The following NIM1K variants were observed in gnomAD, a reference collection of about 807,000 sequenced individuals.
NIM1K encodes the protein NIM1 serine/threonine protein kinase.
NIM1K carries 35 observed loss-of-function variants against 37.1 expected under a neutral mutation model. The ratio of observed to expected loss-of-function variants is 0.94; its 90% CI spans 0.72 to 1.25. The LOEUF is 1.25. NIM1K is among the 50% of genes most tolerant of loss of function. The pLI, the probability that NIM1K is intolerant of heterozygous loss-of-function variation, is 0.00. For synonymous variants in NIM1K, 234 were observed against 206.6 expected (o/e 1.13, Z -1.14); for missense variants, 564 against 548.0 (o/e 1.03, Z -0.29).
chr5:43,193,647 G>C (rs1391033069), intron 1 of NIM1K: 7 of 152,128 alleles, frequency 4.6e-5, no homozygotes, highest in Non-Finnish European at 8.8e-5. Flanking sequence ...ATTTCAAATG[G>C]AAATCTAAGG....
intron 1 of NIM1K, among the ~76,000 whole-genome samples, chr5:43,213,191 TTCTTTC>T (rs1561074741): frequency 2.6e-5 from 3 of 113,984 alleles, no homozygotes; most frequent in African/African-American, 6.3e-5. Flanking sequence ...CTTTCTTTCT[TTCTTTC>T]TTTCTTTCTT....
intron 1 of NIM1K, among the ~76,000 whole-genome samples, chr5:43,229,758 T>C (rs573123614): frequency 6.6e-6 from 1 of 151,918 alleles, no homozygotes; most frequent in African/African-American, 2.4e-5. Flanking sequence ...TGCCTCAGCC[T>C]CCTGAGTAGC....
Position 43,217,708 on chromosome 5 carries a change from A to ATT in NIM1K, c.-695+25320_-695+25321dup, listed in dbSNP as rs71608698. ...AAATGTCTATTCAGATCCTCTGTCT[A>ATT]TTTTTTTTTTTTTTTTTTTTTTTTG... On this transcript the variant is annotated intron_variant, in intron 1 of 3. Coordinates refer to ENST00000326035, the MANE Select transcript of NIM1K (RefSeq NM_153361.4). 0.012 allele frequency among the ~76,000 whole-genome samples: 1,108 copies of ATT among 93,548 alleles called. 49 individuals carry two copies. In the East Asian group the frequency reaches 0.12, roughly 10 times the overall value. 61.4% of individuals were successfully genotyped at this position (93,548 alleles called of 152,430 possible).
At chr5:43,231,139 G>A (rs1374768240) in intron 1 of NIM1K, among the ~76,000 whole-genome samples, 1 of 152,164 alleles carries the variant, frequency 6.6e-6, no homozygotes, top group East Asian at 1.9e-4. Context: ...GCGACATAGT[G>A]AGACACCATC....
chr5:43,232,917 C>T (rs1402918172), intron 1 of NIM1K: 9 of 1,157,880 alleles, frequency 7.8e-6, no homozygotes, highest in Middle Eastern at 2.4e-4. Context: ...GGTGGAAGAG[C>T]TGGTTGTAGG....
chr5:43,264,982 A>G (rs941377594), intron 2 of NIM1K, among the ~76,000 whole-genome samples: 1 of 152,176 alleles, frequency 6.6e-6, no homozygotes, highest in South Asian at 2.1e-4. Context: ...TTCTGCCGAG[A>G]GATCTGCTGT....
intron 1 of NIM1K, among the ~76,000 whole-genome samples, chr5:43,235,721 G>T (rs1240777292): frequency 6.6e-6 from 1 of 152,148 alleles, no homozygotes. Flanking sequence ...ACAGACATTT[G>T]TTTGTGCGTG....
At chr5:43,204,837 T>C (rs1752085491) in intron 1 of NIM1K, among the ~76,000 whole-genome samples, 2 of 151,354 alleles carry the variant, frequency 1.3e-5, no homozygotes, top group African/African-American at 4.9e-5. Context: ...CAAAATCAAA[T>C]ATACAAAATT....
chr5:43,247,718 A>C (rs573745530), intron 2 of NIM1K, among the ~76,000 whole-genome samples: 4 of 152,238 alleles, frequency 2.6e-5, no homozygotes, highest in Non-Finnish European at 5.9e-5. Flanking sequence ...CAACTTGCAC[A>C]TACTGCAGAC....
At position 43,267,247 on chromosome 5, in the gene NIM1K, A is replaced by G. The variant is rs545920801; in HGVS notation, c.293-9810A>G. On this transcript the variant is annotated intron_variant, in intron 2 of 3. Coordinates refer to ENST00000326035, the MANE Select transcript of NIM1K (RefSeq NM_153361.4). ...TCTATGTTTTTTAGTTTGTGTGAAT[A>G]GAGATGTTCATAGTAATCTCAACTG... Among the ~76,000 whole-genome samples, 15 of 152,312 alleles carry G rather than the reference A, an allele frequency of 9.8e-5. No individual in the cohort carries two copies. In the East Asian group the frequency reaches 2.9e-3, roughly 29 times the overall value.
chr5:43,271,682 G>A (rs972374365), intron 2 of NIM1K, among the ~76,000 whole-genome samples: 2 of 152,030 alleles, frequency 1.3e-5, no homozygotes, highest in African/African-American at 2.4e-5. Context: ...CCCAGTTCTT[G>A]TATTCATGCA....
chr5:43,212,021 A>G (rs1345498666), intron 1 of NIM1K, among the ~76,000 whole-genome samples: 3 of 152,216 alleles, frequency 2.0e-5, no homozygotes, highest in South Asian at 4.1e-4. Flanking sequence ...TCTTAGGATG[A>G]TTACCTAGAT....
chr5:43,274,967 C>G (rs1247610127), intron 2 of NIM1K, among the ~76,000 whole-genome samples: 1 of 152,144 alleles, frequency 6.6e-6, no homozygotes, highest in Non-Finnish European at 1.5e-5. Flanking sequence ...AAGTCTGGTA[C>G]AGTTTGAACC....
chr5:43,246,752 C>A (rs1026809351), intron 2 of NIM1K, among the ~76,000 whole-genome samples: 2 of 152,168 alleles, frequency 1.3e-5, no homozygotes, highest in Admixed American at 1.3e-4. Flanking sequence ...ACTAGCAGCG[C>A]CCAGCACTTT....
intron 2 of NIM1K, among the ~76,000 whole-genome samples, chr5:43,263,162 T>G (rs930509784): frequency 2.6e-5 from 4 of 152,216 alleles, no homozygotes; most frequent in Non-Finnish European, 5.9e-5. Flanking sequence ...TTTCTATTGA[T>G]TGGAATAGTT....
intron 1 of NIM1K, among the ~76,000 whole-genome samples, chr5:43,201,784 C>T (rs528779100): frequency 4.6e-5 from 7 of 151,978 alleles, no homozygotes; most frequent in African/African-American, 1.7e-4. Context: ...CATGGTGAAA[C>T]CCCGTCTGTA....
chr5:43,216,323 A>G lies in NIM1K; in HGVS notation c.-695+23912A>G, dbSNP rs79900841. Among the ~76,000 whole-genome samples, 1,030 of 151,540 alleles carry G rather than the reference A, an allele frequency of 6.8e-3. 10 individuals are homozygous for G. The highest frequency in any genetic ancestry group is 0.021 in the African/African-American group (853 of 40,850). On this transcript the variant is annotated intron_variant, in intron 1 of 3. Transcript: ENST00000326035. ...TATGAATTTTGAACTGTCATTCATGATAATTGAGGAAAGAAAAGCTGTATC... is the reference window on the plus strand; with the variant it reads ...TATGAATTTTGAACTGTCATTCATGGTAATTGAGGAAAGAAAAGCTGTATC...
chr5:43,277,981 C>A (rs1349975975), intron 3 of NIM1K, among the ~76,000 whole-genome samples: 1 of 151,088 alleles, frequency 6.6e-6, no homozygotes, highest in Admixed American at 6.6e-5. Context: ...GCCTTCCACC[C>A]TTCCTTCCTT....
rs1472531410 is a variant in NIM1K, at chr5:43,246,063, C to A, written c.288C>A (p.Thr96=). 7 of 1,608,476 alleles carry A rather than the reference C, an allele frequency of 4.4e-6. No homozygotes were observed. The highest frequency in any genetic ancestry group is 5.9e-6 in the Non-Finnish European group (7 of 1,176,850). Residue 96 remains threonine, a synonymous_variant, in exon 2 of 4, where the codon ACC becomes ACA. Transcript: ENST00000326035. ...SQVKLGIHSL[T]KEKVAIKILD... ...TGAAGCTTGGGATTCACTCCCTAAC[C>A]AAAGGTAGGATCCGACTTCCCAAGG...
Sources: gnomAD v4.1 joint callset for allele counts (sites outside exome capture counted in the v4.1 genomes callset) on GRCh38, gnomAD v4.1.1 for gene constraint, MANE v1.5 for transcripts, NCBI Gene and HGNC (gene_info 2026-07-23, HGNC 2026-07-21) for gene names.